Variants in USP35 observed in about 807,000 individuals in gnomAD.
USP35 encodes the protein ubiquitin carboxyl-terminal hydrolase 35.
Under a neutral mutation model 83.8 loss-of-function variants are expected in USP35, and 69 were observed. The ratio of observed to expected loss-of-function variants is 0.82; its 90% CI spans 0.68 to 1.01. The LOEUF (loss-of-function observed/expected upper bound fraction) is 1.01. USP35 is among the 50% of genes least tolerant of loss of function. The pLI is 0.00. For missense variants in USP35, 1,503 were observed against 1,362.5 expected (o/e 1.10, Z -1.62); for synonymous variants, 714 against 589.5 (o/e 1.21, Z -3.06).
rs1863971259 is a variant in USP35 at position 78,214,273 on chromosome 11, T to TGTTTGTTTCTCATATGGGGGTGGGG, written c.*462_*486dup. On this transcript the variant is annotated 3_prime_UTR_variant, in exon 11 of 11. Transcript: ENST00000529308. ...CAGTGTCTCCTCTGGCTGTCCTGTTTGTTTGTTTCTCATATGGGGGTGGGG... is the reference window on the plus strand; with the variant it reads ...CAGTGTCTCCTCTGGCTGTCCTGTTTGTTTGTTTCTCATATGGGGGTGGGGGTTTGTTTCTCATATGGGGGTGGGG... 1 of 81,738 alleles carries TGTTTGTTTCTCATATGGGGGTGGGG rather than the reference T, an allele frequency of 1.2e-5. No individual in the cohort carries two copies. The highest frequency in any genetic ancestry group is 2.2e-5 in the Non-Finnish European group (1 of 45,606). The allele number at this position is 81,738 out of a possible 1,614,324, so 5.1% of individuals were successfully genotyped here.
intron 6 of USP35, 52 bp downstream of exon 6, chr11:78,200,860 G>A: frequency 6.5e-7 from 1 of 1,540,714 alleles, no homozygotes; most frequent in Non-Finnish European, 8.8e-7. Context: ...AAAGGTACCA[G>A]TGTGGGCCTT....
intron 6 of USP35, among the ~76,000 whole-genome samples, chr11:78,202,256 C>T (rs531036988): frequency 6.1e-4 from 93 of 152,260 alleles, no homozygotes; most frequent in African/African-American, 2.2e-3. Flanking sequence ...CGACTAAAAG[C>T]CAGGACCCAA....
At position 78,210,340 on chromosome 11, in the gene USP35, A is replaced by G. The variant is rs1365984373; in HGVS notation, c.2485A>G (p.Ile829Val). Residue 829 changes from isoleucine to valine, a missense_variant, in exon 10 of 11, where the codon ATC becomes GTC. Physicochemically the swap from Ile to Val is conservative, Grantham distance 29 (BLOSUM62 3). Coordinates refer to ENST00000529308, the MANE Select transcript of USP35 (RefSeq NM_020798.4). Reference protein sequence around the residue: ...RRRKILDDVSIPLLLRLPLAG... With the variant: ...RRRKILDDVSVPLLLRLPLAG... ...CCGCAAGATCCTGGATGACGTCTCC[A>G]TCCCCCTGCTGCTCCGCCTGCCACT... The G allele has an allele frequency of 1.2e-6, 2 of 1,612,538 alleles. No individual in the cohort carries two copies. The highest frequency in any genetic ancestry group is 1.7e-6 in the Non-Finnish European group (2 of 1,179,830).
the USP35 span, among the ~76,000 whole-genome samples, chr11:78,224,515 A>G: frequency 2.0e-5 from 3 of 152,190 alleles, no homozygotes; most frequent in African/African-American, 7.2e-5. Flanking sequence ...TGTGTGATAC[A>G]GCAATCCCAG....
the USP35 span, chr11:78,227,147 G>C: frequency 1.2e-6 from 1 of 800,490 alleles, no homozygotes; most frequent in East Asian, 2.6e-5. Flanking sequence ...CTTTGGTTTA[G>C]GCATCTGTAA....
the USP35 span, among the ~76,000 whole-genome samples, chr11:78,232,483 A>T: frequency 6.6e-6 from 1 of 152,256 alleles, no homozygotes. Flanking sequence ...AGAGAAAAAG[A>T]ACTCTATTTG....
At position 78,209,743 on chromosome 11, in the gene USP35, A is replaced by C. The variant is rs774585358; in HGVS notation, c.1888A>C (p.Thr630Pro). ...CACAGCCCGGGAGTTGCCCCCACCA[A>C]CCAGTGCACAGGGGCCAGGCAGGGT... ...DITARELPPP[T>P]SAQGPGRVGP... Residue 630 changes from threonine to proline, a missense_variant, in exon 10 of 11, where the codon ACC becomes CCC. By Grantham distance (38) the Thr-to-Pro change is conservative. Coordinates refer to ENST00000529308, the MANE Select transcript of USP35 (RefSeq NM_020798.4). 6.2e-7 allele frequency: 1 copy of C among 1,613,500 alleles called. No individual in the cohort carries two copies. The highest frequency in any genetic ancestry group is 1.3e-5 in the African/African-American group (1 of 74,706).
At chr11:78,225,033 G>T in the USP35 span, 1 of 887,998 alleles carries the variant, frequency 1.1e-6, no homozygotes, top group Non-Finnish European at 1.8e-6. Context: ...TTGGGGTTGT[G>T]CTTTTAATTC....
intron 10 of USP35, 148 bp from the exon 11 acceptor site, chr11:78,213,498 G>T (rs2450139): frequency 2.2e-6 from 2 of 912,800 alleles, no homozygotes; most frequent in Non-Finnish European, 3.0e-6. Context: ...TGTCCACCCC[G>T]GATATCCTGC....
chr11:78,218,968 G>T (rs1864280761), downstream of USP35: 1 of 319,516 alleles, frequency 3.1e-6, no homozygotes, highest in Non-Finnish European at 5.8e-6. Context: ...AGAGAGTCAG[G>T]TCTAAAGGAC....
At chr11:78,204,209 G>C (rs1380134299) in intron 6 of USP35, among the ~76,000 whole-genome samples, 1 of 152,228 alleles carries the variant, frequency 6.6e-6, no homozygotes, top group African/African-American at 2.4e-5. Context: ...TTGAATGTTA[G>C]AAAAGATGGC....
intron 1 of USP35, among the ~76,000 whole-genome samples, chr11:78,190,072 A>G (rs561147907): frequency 6.6e-6 from 1 of 152,190 alleles, no homozygotes; most frequent in Non-Finnish European, 1.5e-5. Flanking sequence ...TTCGAGGGTC[A>G]GAGAGGGGAG....
At position 78,205,310 on chromosome 11, in the gene USP35, A is replaced by G. The variant is rs114934481; in HGVS notation, c.1198-532A>G. The stretch of plus-strand genomic sequence containing the variant: ...AGTAAAAGGTGGACATGGGCACATC[A>G]TTGTGTGCCCACACCATGAAAACGT... On this transcript the variant is annotated intron_variant, in intron 6 of 10. Transcript: ENST00000529308. Among the ~76,000 whole-genome samples the G allele has an allele frequency of 7.9e-3, 1,204 of 152,352 alleles. 13 individuals are homozygous for G. The highest frequency in any genetic ancestry group is 0.027 in the African/African-American group (1,138 of 41,576).
At position 78,213,986 on chromosome 11, in the gene USP35, T is replaced by G; in HGVS notation, c.*173T>G. On this transcript the variant is annotated 3_prime_UTR_variant, in exon 11 of 11. Transcript: ENST00000529308. ...CTCAGATATGGAAGTAAGACCTAAG[T>G]CCCTTTCATTGGGGATCAGTCCCAT... 1 of 676,950 alleles carries G rather than the reference T, an allele frequency of 1.5e-6. No homozygotes were observed. The highest frequency in any genetic ancestry group is 3.1e-5 in the South Asian group (1 of 32,506). 41.9% of individuals were successfully genotyped at this position (676,950 alleles called of 1,614,324 possible).
the USP35 span, among the ~76,000 whole-genome samples, chr11:78,223,943 G>A: frequency 1.3e-5 from 2 of 152,144 alleles, no homozygotes; most frequent in Non-Finnish European, 2.9e-5. Flanking sequence ...TTAGCTGGGC[G>A]TGGTGGCATA....
chr11:78,214,529 T>TGAA lies in USP35; in HGVS notation c.*718_*720dup, dbSNP rs1420932821. On this transcript the variant is annotated 3_prime_UTR_variant, in exon 11 of 11. Transcript: ENST00000529308. ...ACTGCAAAGGTGTTCATGTTCCTTG[T>TGAA]GAAGTGTGGGCTCTTAGGAAGCCTG... is the stretch of plus-strand genomic sequence containing the variant. The TGAA allele has an allele frequency of 6.6e-6, 1 of 152,124 alleles. No individual in the cohort carries two copies. The highest frequency in any genetic ancestry group is 1.5e-5 in the Non-Finnish European group (1 of 68,072). 9.4% of individuals were successfully genotyped at this position (152,124 alleles called of 1,614,324 possible).
At chr11:78,230,135 G>A in the USP35 span, among the ~76,000 whole-genome samples, 7 of 152,270 alleles carry the variant, frequency 4.6e-5, no homozygotes, top group Middle Eastern at 3.4e-3. Context: ...ATGAATAAAC[G>A]TTTGTTGTAA....
At position 78,209,317 on chromosome 11, in the gene USP35, T is replaced by C. The variant is rs1225592609; in HGVS notation, c.1593-131T>C. 1.0e-5 allele frequency: 10 copies of C among 963,376 alleles called. No homozygotes were observed. The East Asian group carries it at 2.4e-4, about 23-fold the overall frequency. 59.7% of individuals were successfully genotyped at this position (963,376 alleles called of 1,614,324 possible). ...GCATGTACGTGGATGTGTGGGTGTT[T>C]GGTGTGTGCATGTGTGTTTGTGTGC... On this transcript the variant is annotated intron_variant, in intron 9 of 10. Transcript: ENST00000529308.
At position 78,198,082 on chromosome 11, in the gene USP35, G is replaced by A. The variant is rs1173183152; in HGVS notation, c.806+14G>A. Reference sequence around the variant, plus strand: ...TGCCATTAGCAGGTGGGACGCTGAGGCTGAGCCATGATCAGGGCTGGGGCC... The same window carrying A: ...TGCCATTAGCAGGTGGGACGCTGAGACTGAGCCATGATCAGGGCTGGGGCC... On this transcript the variant is annotated intron_variant, in intron 3 of 10. Transcript: ENST00000529308. The A allele has an allele frequency of 6.2e-7, 1 of 1,614,020 alleles. No homozygotes were observed. The highest frequency in any genetic ancestry group is 8.5e-7 in the Non-Finnish European group (1 of 1,179,954).
Sources: gnomAD v4.1 joint callset for allele counts (sites outside exome capture counted in the v4.1 genomes callset) on GRCh38, gnomAD v4.1.1 for gene constraint, MANE v1.5 for transcripts, NCBI Gene and HGNC (gene_info 2026-07-23, HGNC 2026-07-21) for gene names.